The following MSI2 variants were observed in gnomAD, a reference collection of about 807,000 sequenced individuals.
MSI2 encodes the protein RNA-binding protein Musashi homolog 2.
MSI2 carries 17 observed loss-of-function variants against 45.6 expected under a neutral mutation model. That is an observed-to-expected ratio of 0.37 (90% CI 0.26 to 0.56). The LOEUF is 0.56. Among genes scored for constraint, MSI2 ranks in the 20% least tolerant of loss-of-function variants. MSI2 has a pLI of 0.77. For missense variants in MSI2, 293 were observed against 444.2 expected (o/e 0.66, Z 3.06); for synonymous variants, 156 against 158.2 (o/e 0.99, Z 0.11).
intron 5 of MSI2, among the ~76,000 whole-genome samples, chr17:57,335,204 T>G (rs578259785): frequency 0.041 from 6,201 of 151,380 alleles, 134 homozygotes; most frequent in African/African-American, 0.044. Context: ...AGCCAGCAAG[T>G]ATGAATTGTT....
intron 5 of MSI2, among the ~76,000 whole-genome samples, chr17:57,369,447 T>G (rs1598178669): frequency 1.3e-5 from 2 of 152,346 alleles, no homozygotes; most frequent in South Asian, 2.1e-4. Flanking sequence ...TAAAGCAGGT[T>G]GGACAGACCT....
intron 10 of MSI2, among the ~76,000 whole-genome samples, chr17:57,645,441 GTTT>G: frequency 6.7e-6 from 1 of 148,920 alleles, no homozygotes; most frequent in Admixed American, 6.7e-5. Context: ...TTGTTTTTTG[GTTT>G]TTTTTTTTTG....
chr17:57,525,293 G>A (rs941547203), intron 6 of MSI2, among the ~76,000 whole-genome samples: 2 of 152,048 alleles, frequency 1.3e-5, no homozygotes, highest in African/African-American at 4.8e-5. Flanking sequence ...GGTGGGGGAG[G>A]TTGTGTTTTG....
At position 57,289,879 on chromosome 17, in the gene MSI2, G is replaced by A. The variant is rs117576932; in HGVS notation, c.312+27687G>A. On this transcript the variant is annotated intron_variant, in intron 5 of 13. Transcript: ENST00000284073. ...CTCAGAGACAGAACTGTGTGTTGCC[G>A]GCAAGTTGCCATGAAGTAGTTTTAG... 4.8e-3 allele frequency among the ~76,000 whole-genome samples: 736 copies of A among 152,360 alleles called. 5 individuals carry two copies. Among genetic ancestry groups the A allele is most frequent in the Non-Finnish European group, 7.3e-3 (497 of 68,030 alleles).
chr17:57,348,534 A>G (rs2143827920), intron 5 of MSI2, among the ~76,000 whole-genome samples: 1 of 152,252 alleles, frequency 6.6e-6, no homozygotes, highest in South Asian at 2.1e-4. Context: ...ATGAGTTCTC[A>G]TGACAGCTGG....
chr17:57,624,855 A>T (rs1908653282), intron 9 of MSI2, among the ~76,000 whole-genome samples: 1 of 152,186 alleles, frequency 6.6e-6, no homozygotes, highest in Admixed American at 6.5e-5. Context: ...TCCAAGAGAA[A>T]AAGGAAGACT....
At chr17:57,425,469 C>T (rs934591834) in intron 6 of MSI2, among the ~76,000 whole-genome samples, 1 of 152,164 alleles carries the variant, frequency 6.6e-6, no homozygotes. Flanking sequence ...CGGTTGTGTA[C>T]ACTTTTATAT....
At chr17:57,387,128 A>G (rs1246638579) in intron 5 of MSI2, among the ~76,000 whole-genome samples, 1 of 152,168 alleles carries the variant, frequency 6.6e-6, no homozygotes, top group Non-Finnish European at 1.5e-5. Context: ...GCCAGCCCAG[A>G]CCAGTTAGCT....
At chr17:57,507,257 G>C (rs1341469036) in intron 6 of MSI2, among the ~76,000 whole-genome samples, 2 of 150,226 alleles carry the variant, frequency 1.3e-5, no homozygotes, top group East Asian at 4.0e-4. Context: ...GTGTGTGTGT[G>C]TGTGTGTGTG....
chr17:57,485,789 G>C (rs1450320135), intron 6 of MSI2, among the ~76,000 whole-genome samples: 1 of 152,250 alleles, frequency 6.6e-6, no homozygotes, highest in Non-Finnish European at 1.5e-5. Flanking sequence ...GTGTCAAAGG[G>C]ATGAAGGAAG....
chr17:57,401,028 T>G (rs1028263878), intron 5 of MSI2, among the ~76,000 whole-genome samples: 3 of 152,208 alleles, frequency 2.0e-5, no homozygotes, highest in Non-Finnish European at 2.9e-5. Flanking sequence ...GCAGTTTTTA[T>G]GCATTTGGGT....
intron 5 of MSI2, among the ~76,000 whole-genome samples, chr17:57,277,286 G>C (rs1908956438): frequency 6.6e-6 from 1 of 152,124 alleles, no homozygotes; most frequent in Admixed American, 6.5e-5. Flanking sequence ...TCGAACTCCT[G>C]ACCTCAAGTG....
intron 5 of MSI2, among the ~76,000 whole-genome samples, chr17:57,310,662 C>T (rs138911962): frequency 8.7e-4 from 132 of 152,334 alleles, no homozygotes; most frequent in African/African-American, 2.9e-3. Context: ...CAGGAAGGAA[C>T]TTGTCTTTTC....
At chr17:57,450,276 AAAG>A (rs2084980533) in intron 6 of MSI2, 2 of 96,280 alleles carry the variant, frequency 2.1e-5, no homozygotes, top group Non-Finnish European at 4.6e-5. Context: ...AGAAAGAAAG[AAAG>A]AAAGAAAGAA....
chr17:57,483,368 AG>A (rs1435062766), intron 6 of MSI2, among the ~76,000 whole-genome samples: 1 of 152,248 alleles, frequency 6.6e-6, no homozygotes, highest in African/African-American at 2.4e-5. Context: ...AAGAGTAAAA[AG>A]AAAACTAAGG....
At position 57,279,742 on chromosome 17, in the gene MSI2, T is replaced by C. The variant is rs552314202; in HGVS notation, c.312+17550T>C. Reference sequence around the variant, plus strand: ...TCACTGCAGCCTTGAATTCCTGGGCTCAAGCGGTTCTCCTGCGTCAGCCTC... The same window carrying C: ...TCACTGCAGCCTTGAATTCCTGGGCCCAAGCGGTTCTCCTGCGTCAGCCTC... On this transcript the variant is annotated intron_variant, in intron 5 of 13. Transcript: ENST00000284073. 3 of 152,324 alleles carry C rather than the reference T, an allele frequency of 2.0e-5. No homozygotes were observed. In the South Asian group the frequency reaches 6.2e-4, roughly 32 times the overall value. The allele number at this position is 152,324 out of a possible 1,614,324, so 9.4% of individuals were successfully genotyped here.
At chr17:57,358,420 A>G (rs1167402655) in intron 5 of MSI2, among the ~76,000 whole-genome samples, 1 of 152,178 alleles carries the variant, frequency 6.6e-6, no homozygotes, top group Non-Finnish European at 1.5e-5. Flanking sequence ...GAAGGAAGGA[A>G]GCATCTTTTT....
intron 7 of MSI2, among the ~76,000 whole-genome samples, chr17:57,594,523 G>A (rs780712856): frequency 6.6e-6 from 1 of 152,102 alleles, no homozygotes; most frequent in Non-Finnish European, 1.5e-5. Flanking sequence ...ATACCCCAAA[G>A]CCCAAAGAGA....
At chr17:57,264,955 C>G (rs563443823) in intron 5 of MSI2, 1 of 152,386 alleles carries the variant, frequency 6.6e-6, no homozygotes, top group Admixed American at 6.5e-5. Context: ...GTGACACTGT[C>G]TTGTATCTTT....
Sources: gnomAD v4.1 joint callset for allele counts (sites outside exome capture counted in the v4.1 genomes callset) on GRCh38, gnomAD v4.1.1 for gene constraint, MANE v1.5 for transcripts, NCBI Gene and HGNC (gene_info 2026-07-23, HGNC 2026-07-21) for gene names.